DNAH14: variants seen among roughly 807,000 people sequenced by gnomAD.
The protein encoded by DNAH14 is axonemal beta dynein heavy chain 14.
In DNAH14, 478 loss-of-function variants were observed where a neutral mutation model predicts 520.9. The ratio of observed to expected loss-of-function variants is 0.92; its 90% confidence interval spans 0.85 to 0.99. DNAH14 has a LOEUF of 0.99. Among genes scored for constraint, DNAH14 ranks in the 50% least tolerant of loss-of-function variants. The pLI, the probability that DNAH14 is intolerant of heterozygous loss-of-function variation, is 0.00. For synonymous variants in DNAH14, 1,581 were observed against 1,757.2 expected, an observed-to-expected ratio of 0.90 and a Z score of 2.51; for missense variants, 4,831 against 5,234.5, an observed-to-expected ratio of 0.92 and a Z score of 2.38.
chr1:225,051,686 T>G lies in DNAH14; in HGVS notation c.2315T>G (p.Val772Gly). ...AAGCGTATTGGTATTTTCAACGTTG[T>G]AAGTCTTGATTATCAATCAGAATGC... ...IEKRIGIFNVVSLDYQSECLL... is the reference protein window; with the variant it reads ...IEKRIGIFNVGSLDYQSECLL... Residue 772 changes from valine (V) to glycine (G), a missense_variant, in exon 17 of 86, where the codon GTA becomes GGA. By Grantham distance (109) the Val-to-Gly change is moderately radical (BLOSUM62 -3). Coordinates refer to ENST00000682510, the MANE Select transcript of DNAH14 (RefSeq NM_001367479.1). 1 of 1,551,262 alleles carries G rather than the reference T, an allele frequency of 6.4e-7. No homozygotes were observed. The highest frequency in any genetic ancestry group is 1.2e-5 in the South Asian group (1 of 84,030).
At chr1:225,158,469 A>G (rs991690278) in intron 34 of DNAH14, among the ~76,000 whole-genome samples, 2 of 152,158 alleles carry the variant, frequency 1.3e-5, no homozygotes, top group African/African-American at 4.8e-5. Flanking sequence ...GACACCTTCT[A>G]ATAATAACTG....
chr1:224,939,343 G>A (rs751518718), intron 1 of DNAH14, among the ~76,000 whole-genome samples: 5 of 150,950 alleles, frequency 3.3e-5, no homozygotes, highest in Non-Finnish European at 5.9e-5. Flanking sequence ...CCTATACCCA[G>A]TCATCATTGA....
chr1:225,362,612 G>C (rs964474594), intron 75 of DNAH14, among the ~76,000 whole-genome samples: 1 of 149,356 alleles, frequency 6.7e-6, no homozygotes, highest in African/African-American at 2.5e-5. Flanking sequence ...CTAATCATTA[G>C]GGAAATGCAA....
chr1:225,194,453 A>T (rs1217334468), intron 38 of DNAH14, among the ~76,000 whole-genome samples: 1 of 151,682 alleles, frequency 6.6e-6, no homozygotes, highest in Non-Finnish European at 1.5e-5. Flanking sequence ...TGTTCAATAC[A>T]TGATGTTGGG....
intron 41 of DNAH14, among the ~76,000 whole-genome samples, chr1:225,208,202 T>G (rs908331969): frequency 1.3e-5 from 2 of 151,758 alleles, no homozygotes; most frequent in Non-Finnish European, 1.5e-5. Context: ...CTTTGAAGAG[T>G]GACCACTCCC....
In DNAH14 at chr1:225,117,863, T is replaced by A. The variant is rs951211652; in HGVS notation, c.3973-18T>A. The A allele has an allele frequency of 4.6e-6, 7 of 1,529,048 alleles. No homozygotes were observed. The highest frequency in any genetic ancestry group is 6.2e-6 in the Non-Finnish European group (7 of 1,127,634). The allele number at this position is 1,529,048 out of a possible 1,614,324, so 94.7% of individuals were successfully genotyped here. A position where few individuals can be genotyped will look rare whatever the true frequency, so the allele number is the denominator to read the frequency against. On this transcript the variant is annotated intron_variant, in intron 24 of 85. Coordinates refer to ENST00000682510, the MANE Select transcript of DNAH14 (RefSeq NM_001367479.1). ...TCACAATTCAATAATATTACTGACA[T>A]TTGTTTCTGGTTCACAGCCTCATCT... is the stretch of plus-strand genomic sequence containing the variant.
chr1:225,313,078 G>GT (rs1046601935), intron 60 of DNAH14, among the ~76,000 whole-genome samples: 2 of 151,830 alleles, frequency 1.3e-5, no homozygotes, highest in Admixed American at 1.3e-4. Flanking sequence ...GTCCTGGGCT[G>GT]TTTTTTCAGT....
chr1:225,324,862 A>G, intron 64 of DNAH14, 30 bp downstream of exon 64: 2 of 1,492,912 alleles, frequency 1.3e-6, no homozygotes, highest in Non-Finnish European at 1.8e-6. Flanking sequence ...TCTCAAAATA[A>G]GACAAAACAC....
At chr1:225,049,773 C>CCTATCTCT (rs2068348996) in intron 15 of DNAH14, among the ~76,000 whole-genome samples, 1 of 142,918 alleles carries the variant, frequency 7.0e-6, no homozygotes, top group Non-Finnish European at 1.6e-5. Context: ...TATCTATCTA[C>CCTATCTCT]CTATCTATCT....
intron 23 of DNAH14, among the ~76,000 whole-genome samples, chr1:225,111,563 A>G (rs947822012): frequency 6.6e-6 from 1 of 151,164 alleles, no homozygotes; most frequent in African/African-American, 2.4e-5. Flanking sequence ...CAGATTGTTG[A>G]GTCTTTTTTT....
At chr1:225,156,709 C>CTTTTTTTTTTTTTTTTTTTTT (rs71170061) in intron 34 of DNAH14, among the ~76,000 whole-genome samples, 1 of 68,164 alleles carries the variant, frequency 1.5e-5, no homozygotes, top group Non-Finnish European at 2.4e-5. Context: ...TCTTAAAATT[C>CTTTTTTTTTTTTTTTTTTTTT]TTTTTTTTTT....
chr1:225,306,744 C>T (rs781175353), intron 58 of DNAH14, among the ~76,000 whole-genome samples: 17 of 152,044 alleles, frequency 1.1e-4, no homozygotes, highest in East Asian at 3.9e-4. Context: ...CCCCCTAATG[C>T]GTGGGCCATG....
At chr1:225,022,873 A>G (rs571758964) in intron 10 of DNAH14, among the ~76,000 whole-genome samples, 4 of 152,236 alleles carry the variant, frequency 2.6e-5, no homozygotes, top group Non-Finnish European at 5.9e-5. Flanking sequence ...CTGGATAAAG[A>G]AAATGTGGTA....
chr1:225,078,859 C>CTCTCTCT, intron 17 of DNAH14, among the ~76,000 whole-genome samples: 1 of 18,996 alleles, frequency 5.3e-5, no homozygotes, highest in African/African-American at 1.5e-4. Flanking sequence ...TCTCTCTCTC[C>CTCTCTCT]CTCTCTCTCT....
At position 225,380,332 on chromosome 1, in the gene DNAH14, G is replaced by A; in HGVS notation, c.12880+10G>A. The stretch of plus-strand genomic sequence containing the variant: ...TCTAAAAATCTCAAAGGTGAGCATG[G>A]GACAGGAGCTTTTTCCCCTTACCTC... On this transcript the variant is annotated intron_variant, in intron 80 of 85. Coordinates refer to ENST00000682510, the MANE Select transcript of DNAH14 (RefSeq NM_001367479.1). The A allele has an allele frequency of 1.3e-6, 2 of 1,546,200 alleles. No homozygotes were observed. The highest frequency in any genetic ancestry group is 1.7e-6 in the Non-Finnish European group (2 of 1,144,318).
intron 27 of DNAH14, among the ~76,000 whole-genome samples, chr1:225,131,372 C>G (rs1295972890): frequency 6.6e-6 from 1 of 152,138 alleles, no homozygotes; most frequent in Non-Finnish European, 1.5e-5. Context: ...AAATCTGTTT[C>G]TTTGCCTTTT....
At chr1:225,110,360 A>G (rs1262620222) in intron 23 of DNAH14, among the ~76,000 whole-genome samples, 2 of 151,808 alleles carry the variant, frequency 1.3e-5, no homozygotes, top group East Asian at 1.9e-4. Flanking sequence ...ATTACTTGTT[A>G]TTAGTCTGTT....
At chr1:225,219,922 A>G (rs889125823) in intron 41 of DNAH14, among the ~76,000 whole-genome samples, 1 of 152,210 alleles carries the variant, frequency 6.6e-6, no homozygotes, top group Non-Finnish European at 1.5e-5. Flanking sequence ...AATACTGGCA[A>G]ACTGAATCCA....
intron 55 of DNAH14, among the ~76,000 whole-genome samples, chr1:225,295,934 A>G (rs552527181): frequency 1.3e-5 from 2 of 152,310 alleles, no homozygotes; most frequent in South Asian, 4.1e-4. Context: ...AGTGTTGGGT[A>G]CATATATATT....
Sources: gnomAD v4.1 joint callset for allele counts (sites outside exome capture counted in the v4.1 genomes callset) on GRCh38, gnomAD v4.1.1 for gene constraint, MANE v1.5 for transcripts, NCBI Gene and HGNC (gene_info 2026-07-23, HGNC 2026-07-21) for gene names.